The following PAK1 variants were observed in gnomAD, a reference collection of about 807,000 sequenced individuals.
PAK1 encodes serine/threonine-protein kinase PAK 1.
PAK1 carries 29 observed loss-of-function variants against 67.4 expected under a neutral mutation model. The observed-to-expected ratio is 0.43, with a 90% CI of 0.32 to 0.59. The LOEUF is 0.59. Ranked by LOEUF, PAK1 falls within the 20% of genes least tolerant of loss-of-function variation. The pLI, the probability that PAK1 is intolerant of heterozygous loss-of-function variation, is 0.07. For synonymous variants in PAK1, 223 were observed against 237.4 expected (o/e 0.94, Z 0.56); for missense variants, 337 against 670.7 (o/e 0.50, Z 5.50).
chr11:77,451,941 C>T (rs989762390), intron 1 of PAK1, among the ~76,000 whole-genome samples: 1 of 152,156 alleles, frequency 6.6e-6, no homozygotes, highest in African/African-American at 2.4e-5. Context: ...CAGCCATGAA[C>T]ATAGCAATGG....
At chr11:77,529,454 C>T in the PAK1 span, among the ~76,000 whole-genome samples, 2 of 152,166 alleles carry the variant, frequency 1.3e-5, no homozygotes, top group Admixed American at 1.3e-4. Flanking sequence ...ACTTCATGCC[C>T]AGGGCAACCT....
At chr11:77,398,824 T>C (rs776535494) in intron 1 of PAK1, among the ~76,000 whole-genome samples, 1 of 152,222 alleles carries the variant, frequency 6.6e-6, no homozygotes, top group Non-Finnish European at 1.5e-5. Context: ...CTTGAGGTAA[T>C]TCTAGCCCCT....
chr11:77,388,511 G>T (rs567528551), intron 2 of PAK1, among the ~76,000 whole-genome samples: 1 of 152,042 alleles, frequency 6.6e-6, no homozygotes, highest in Non-Finnish European at 1.5e-5. Context: ...CCGCCACCAC[G>T]CCCGGCTTAT....
At chr11:77,481,692 A>C in the PAK1 span, among the ~76,000 whole-genome samples, 2 of 151,458 alleles carry the variant, frequency 1.3e-5, no homozygotes, top group East Asian at 3.9e-4. Context: ...AAAAAAAAAA[A>C]ATTACGTCTT....
Position 77,332,777 on chromosome 11 carries a change from G to A in PAK1, c.1504C>T (p.Leu502Phe). Residue 502 changes from leucine to phenylalanine, a missense_variant, in exon 14 of 15, where the codon CTC (leucine) becomes TTC (phenylalanine). Physicochemically the swap from Leu to Phe is conservative, Grantham distance 22 (BLOSUM62 0). This residue lies in a region of PAK1 where 71 missense variants were observed against 160.5 expected (regional missense o/e 0.44). Transcript: ENST00000356341. Reference sequence around the variant, plus strand: ...CCTCTCTTCTCCACATCCATCTCGAGACAGCGGTTCAGAAAGTCCCGGAAG... The same window carrying A: ...CCTCTCTTCTCCACATCCATCTCGAAACAGCGGTTCAGAAAGTCCCGGAAG... ...AIFRDFLNRC[L>F]EMDVEKRGSA... The A allele has an allele frequency of 6.2e-7, 1 of 1,613,812 alleles. No individual in the cohort carries two copies. Among genetic ancestry groups the A allele is most frequent in the Non-Finnish European group, 8.5e-7 (1 of 1,179,748 alleles).
chr11:77,335,220 T>C (rs1942473972), intron 13 of PAK1, among the ~76,000 whole-genome samples: 1 of 152,176 alleles, frequency 6.6e-6, no homozygotes, highest in Non-Finnish European at 1.5e-5. Flanking sequence ...CCTAGGTGAG[T>C]GATCTCATCT....
intron 1 of PAK1, among the ~76,000 whole-genome samples, chr11:77,407,952 G>C (rs184226664): frequency 8.7e-4 from 133 of 152,280 alleles, no homozygotes; most frequent in Non-Finnish European, 1.6e-3. Context: ...AGCCCCAAAA[G>C]TAGGCAGAAA....
In PAK1 at chr11:77,340,631, G is replaced by A. The variant is rs201475016; in HGVS notation, c.1116+15C>T. 1.0e-5 allele frequency: 13 copies of A among 1,298,584 alleles called. No individual in the cohort carries two copies. The African/African-American group carries it at 1.7e-4, about 17-fold the overall frequency. 80.4% of individuals were successfully genotyped at this position (1,298,584 alleles called of 1,614,324 possible). A position where few individuals can be genotyped will look rare whatever the true frequency, so the allele number is the denominator to read the frequency against. On this transcript the variant is annotated intron_variant, in intron 11 of 14. Transcript: ENST00000356341. ...GGCAGCTTTCTACCCAAGACTGCTT[G>A]GCCCTTGGCCTTACCTCACGGCACA... is the stretch of plus-strand genomic sequence containing the variant.
chr11:77,405,670 G>GAGACACACAC (rs1177577797), intron 1 of PAK1, among the ~76,000 whole-genome samples: 203 of 125,660 alleles, frequency 1.6e-3, no homozygotes, highest in African/African-American at 4.6e-3. Context: ...CAGACAGACA[G>GAGACACACAC]ACAGACACAC....
intron 10 of PAK1, among the ~76,000 whole-genome samples, chr11:77,342,177 C>A (rs944832514): frequency 1.3e-5 from 2 of 152,082 alleles, no homozygotes; most frequent in African/African-American, 4.8e-5. Flanking sequence ...ATTTGCAACA[C>A]CTTCACTGAA....
chr11:77,394,734 A>C (rs886220328), intron 1 of PAK1, among the ~76,000 whole-genome samples: 2 of 152,088 alleles, frequency 1.3e-5, no homozygotes, highest in Non-Finnish European at 2.9e-5. Context: ...AGTCCCAGCT[A>C]CTCAGGAGGC....
chr11:77,415,786 A>G (rs1454057085), intron 1 of PAK1, among the ~76,000 whole-genome samples: 1 of 151,962 alleles, frequency 6.6e-6, no homozygotes, highest in Non-Finnish European at 1.5e-5. Context: ...GCTGCACTAA[A>G]CTTAAATTTT....
the PAK1 span, among the ~76,000 whole-genome samples, chr11:77,480,521 GTTT>G: frequency 5.8e-5 from 7 of 121,292 alleles, no homozygotes; most frequent in African/African-American, 2.0e-4. Flanking sequence ...AACCACCATG[GTTT>G]TTTTTTTTTT....
At chr11:77,468,734 T>C (rs1037174140) in intron 1 of PAK1, among the ~76,000 whole-genome samples, 6 of 152,172 alleles carry the variant, frequency 3.9e-5, no homozygotes, top group African/African-American at 4.8e-5. Flanking sequence ...TTTAAAAGAA[T>C]GTGTCTAGTG....
intron 1 of PAK1, among the ~76,000 whole-genome samples, chr11:77,404,548 T>C (rs1953189065): frequency 6.6e-6 from 1 of 152,188 alleles, no homozygotes; most frequent in Non-Finnish European, 1.5e-5. Flanking sequence ...ATTACAGATG[T>C]GAGCCACTGC....
chr11:77,467,648 T>C (rs1167107243), intron 1 of PAK1, among the ~76,000 whole-genome samples: 1 of 152,230 alleles, frequency 6.6e-6, no homozygotes, highest in Non-Finnish European at 1.5e-5. Context: ...TTCAAGTGCA[T>C]AGCCGAAATT....
At chr11:77,451,953 A>G (rs1956878034) in intron 1 of PAK1, among the ~76,000 whole-genome samples, 1 of 152,180 alleles carries the variant, frequency 6.6e-6, no homozygotes, top group African/African-American at 2.4e-5. Context: ...TAGCAATGGG[A>G]AAAATATTTC....
intron 14 of PAK1, 120 bp from the exon 15 acceptor site, chr11:77,323,480 T>C: frequency 4.2e-6 from 3 of 713,414 alleles, no homozygotes; most frequent in Middle Eastern, 3.3e-4. Context: ...CTTCTGATCA[T>C]CCCCAAATTG....
chr11:77,506,921 T>C, the PAK1 span, among the ~76,000 whole-genome samples: 1 of 152,126 alleles, frequency 6.6e-6, no homozygotes, highest in African/African-American at 2.4e-5. Context: ...TTTGAGCACA[T>C]CCAAGGAGCG....
Sources: allele counts gnomAD v4.1 joint callset (sites outside exome capture counted in the v4.1 genomes callset), GRCh38; gene constraint gnomAD v4.1.1; regional missense constraint gnomAD v4.1.1; transcripts MANE v1.5; gene names NCBI Gene and HGNC (gene_info 2026-07-23, HGNC 2026-07-21).